Variants in COL24A1 observed in about 807,000 individuals in gnomAD.
The protein encoded by COL24A1 is collagen type XXIV alpha 1 chain.
COL24A1 carries 224 observed loss-of-function variants against 253.9 expected under a neutral mutation model. The observed-to-expected ratio is 0.88, with a 90% CI of 0.79 to 0.99. The LOEUF is 0.99. Among genes scored for constraint, COL24A1 ranks in the 50% least tolerant of loss-of-function variants. COL24A1 has a pLI of 0.00. For synonymous variants in COL24A1, 685 were observed against 673.7 expected (o/e 1.02, Z -0.26); for missense variants, 2,131 against 2,068.5 (o/e 1.03, Z -0.59).
intron 8 of COL24A1, 131 bp downstream of exon 8, chr1:86,063,584 C>T: frequency 2.1e-6 from 1 of 482,774 alleles, no homozygotes; most frequent in Non-Finnish European, 3.7e-6. Flanking sequence ...AAAAGGTTGT[C>T]CTGCACTAAA....
Position 85,964,997 on chromosome 1 carries a change from C to A in COL24A1, c.2517+12G>T. 1.2e-6 allele frequency: 2 copies of A among 1,601,924 alleles called. No homozygotes were observed. The highest frequency in any genetic ancestry group is 1.1e-5 in the South Asian group (1 of 88,962). On this transcript the variant is annotated intron_variant, in intron 23 of 59. Coordinates refer to ENST00000370571, the MANE Select transcript of COL24A1 (RefSeq NM_152890.7). ...TATATTTTAAAACTGATAATAAAGT[C>A]AGTTGCTTTACCTTTAAGCCTTCTG...
intron 7 of COL24A1, among the ~76,000 whole-genome samples, chr1:86,069,367 C>T (rs944480364): frequency 1.3e-5 from 2 of 152,160 alleles, no homozygotes; most frequent in African/African-American, 4.8e-5. Context: ...AAGGACTCAT[C>T]TGCCTGGGGA....
chr1:86,132,409 C>T (rs985712102), intron 2 of COL24A1, among the ~76,000 whole-genome samples: 26 of 152,146 alleles, frequency 1.7e-4, no homozygotes, highest in Admixed American at 3.9e-4. Flanking sequence ...GTTGCCATTG[C>T]TTTTGGTGTT....
intron 35 of COL24A1, among the ~76,000 whole-genome samples, chr1:85,872,319 T>G (rs1680616263): frequency 6.6e-6 from 1 of 152,168 alleles, no homozygotes; most frequent in African/African-American, 2.4e-5. Context: ...ACCAATGACT[T>G]TCTTCACAGA....
chr1:85,841,712 T>C (rs2102250771), intron 41 of COL24A1, among the ~76,000 whole-genome samples: 1 of 152,232 alleles, frequency 6.6e-6, no homozygotes, highest in African/African-American at 2.4e-5. Flanking sequence ...ACAGTCAAGA[T>C]CACTTGATCC....
chr1:85,775,727 G>T lies in COL24A1; in HGVS notation c.4339-18C>A, dbSNP rs777490193. The T allele has an allele frequency of 5.7e-6, 9 of 1,581,272 alleles. No individual in the cohort carries two copies. The highest frequency in any genetic ancestry group is 7.8e-6 in the Non-Finnish European group (9 of 1,158,952). On this transcript the variant is annotated intron_variant, in intron 52 of 59. Coordinates refer to ENST00000370571, the MANE Select transcript of COL24A1 (RefSeq NM_152890.7). ...CTGGGTCCCTAAAAGAAAAAAAAAA[G>T]ATGTTAGTTCATTGTTATTGATAGT...
chr1:85,884,204 T>C (rs996147820), intron 32 of COL24A1, among the ~76,000 whole-genome samples: 4 of 152,180 alleles, frequency 2.6e-5, no homozygotes, highest in Non-Finnish European at 5.9e-5. Flanking sequence ...CTGTTTCTGC[T>C]TGTCTCTGTA....
At chr1:86,053,268 G>T (rs1183456671) in intron 10 of COL24A1, among the ~76,000 whole-genome samples, 2 of 151,962 alleles carry the variant, frequency 1.3e-5, no homozygotes, top group Non-Finnish European at 2.9e-5. Context: ...ACTCTAACTG[G>T]TATATACTTA....
chr1:85,922,533 G>T (rs992456783), intron 24 of COL24A1, among the ~76,000 whole-genome samples: 8 of 152,162 alleles, frequency 5.3e-5, no homozygotes, highest in Non-Finnish European at 1.0e-4. Context: ...TTAAAGAAAA[G>T]AATTTTCAAT....
At chr1:85,766,335 C>T (rs1242080584) in intron 53 of COL24A1, among the ~76,000 whole-genome samples, 1 of 132,154 alleles carries the variant, frequency 7.6e-6, no homozygotes, top group Non-Finnish European at 1.5e-5. Flanking sequence ...TGCCACTGCA[C>T]TCCAGCCTAT....
chr1:86,116,036 C>G (rs12402985), intron 3 of COL24A1, among the ~76,000 whole-genome samples: 20,665 of 152,196 alleles, frequency 0.14, 1,560 homozygotes, highest in East Asian at 0.29. Flanking sequence ...AGAAATAGGA[C>G]ACTACTTCTT....
rs995519609 is a variant in COL24A1, at chr1:85,998,073, A to AT, written c.2311-10420dup. Reference sequence around the variant, plus strand: ...TTCCTGATTTTATTTGCCAATTCTGATTTTTTTAACTTAAAACTGTTCAAA... The same window carrying AT: ...TTCCTGATTTTATTTGCCAATTCTGATTTTTTTTAACTTAAAACTGTTCAAA... On this transcript the variant is annotated intron_variant, in intron 19 of 59. Transcript: ENST00000370571. Among the ~76,000 whole-genome samples, 30 of 152,210 alleles carry AT rather than the reference A, an allele frequency of 2.0e-4. No homozygotes were observed. The South Asian group carries it at 2.9e-3, about 15-fold the overall frequency.
chr1:86,144,751 G>A lies in COL24A1; in HGVS notation c.121+1368C>T, dbSNP rs558259475. Among the ~76,000 whole-genome samples, 5 of 152,032 alleles carry A rather than the reference G, an allele frequency of 3.3e-5. No individual in the cohort carries two copies. In the South Asian group the frequency reaches 1.0e-3, roughly 32 times the overall value. ...ATTCATTAAGCTTTTACTTGGAGGT[G>A]GTTACCTATTCTCCTTAATCTCAGT... On this transcript the variant is annotated intron_variant, in intron 2 of 59. Coordinates refer to ENST00000370571, the MANE Select transcript of COL24A1 (RefSeq NM_152890.7).
intron 2 of COL24A1, among the ~76,000 whole-genome samples, chr1:86,136,137 C>A (rs1338771856): frequency 6.6e-6 from 1 of 152,110 alleles, no homozygotes; most frequent in East Asian, 1.9e-4. Flanking sequence ...GTATATGCTT[C>A]AGAATGAATC....
intron 31 of COL24A1, among the ~76,000 whole-genome samples, chr1:85,895,242 G>A (rs2102791013): frequency 6.6e-6 from 1 of 151,974 alleles, no homozygotes; most frequent in African/African-American, 2.4e-5. Flanking sequence ...TATAATTCTG[G>A]TAAGATTTTT....
intron 2 of COL24A1, among the ~76,000 whole-genome samples, chr1:86,131,695 C>A (rs1195367351): frequency 3.3e-5 from 5 of 152,080 alleles, no homozygotes; most frequent in African/African-American, 1.2e-4. Context: ...ATGAACTCAT[C>A]ATTTTTTATG....
chr1:85,998,559 T>G (rs953845832), intron 19 of COL24A1, among the ~76,000 whole-genome samples: 3 of 152,204 alleles, frequency 2.0e-5, no homozygotes, highest in Non-Finnish European at 4.4e-5. Context: ...TAACTTCACA[T>G]GTCACTGGGA....
chr1:85,891,007 A>G (rs1683066729), intron 31 of COL24A1, among the ~76,000 whole-genome samples: 1 of 151,880 alleles, frequency 6.6e-6, no homozygotes, highest in Admixed American at 6.6e-5. Context: ...ACTGATGACC[A>G]CTGACAATAC....
intron 4 of COL24A1, among the ~76,000 whole-genome samples, chr1:86,113,837 C>CAAAAAAAAAAAAAAAAAAA (rs36014881): frequency 2.8e-5 from 2 of 72,404 alleles, no homozygotes; most frequent in Non-Finnish European, 2.3e-5. Context: ...TCCTGTCTCA[C>CAAAAAAAAAAAAAAAAAAA]AAAAAAAAAA....
Sources: allele counts gnomAD v4.1 joint callset (sites outside exome capture counted in the v4.1 genomes callset), GRCh38; gene constraint gnomAD v4.1.1; transcripts MANE v1.5; gene names NCBI Gene and HGNC (gene_info 2026-07-23, HGNC 2026-07-21).